Variants in PAX5 observed in about 807,000 individuals in gnomAD.
PAX5 encodes paired box 5.
Under a neutral mutation model 43.7 loss-of-function variants are expected in PAX5, and 9 were observed. The observed-to-expected ratio is 0.21, with a 90% CI of 0.12 to 0.36. PAX5 has a LOEUF of 0.36. PAX5 is among the 10% of genes least tolerant of loss of function. The probability of loss-of-function intolerance (pLI) is 1.00; values close to 1 mark genes in which losing one functional copy is unlikely to be tolerated. For missense variants in PAX5, 383 were observed against 532.7 expected (o/e 0.72, Z 2.77); for synonymous variants, 228 against 214.3 (o/e 1.06, Z -0.56).
intron 6 of PAX5, among the ~76,000 whole-genome samples, chr9:36,959,129 C>T (rs1833746260): frequency 1.3e-5 from 2 of 152,216 alleles, no homozygotes; most frequent in Admixed American, 6.5e-5. Context: ...CTTCAGTGCC[C>T]CTTCCGGTGC....
intron 5 of PAX5, among the ~76,000 whole-genome samples, chr9:36,974,974 C>T (rs1835297975): frequency 6.6e-6 from 1 of 152,204 alleles, no homozygotes; most frequent in Non-Finnish European, 1.5e-5. Context: ...CCTCTGCTGG[C>T]ATGCCCTTCT....
rs1179101260 is a variant in PAX5 at position 36,840,179 on chromosome 9, G to A, written c.*381C>T. On this transcript the variant is annotated 3_prime_UTR_variant, in exon 10 of 10. Transcript: ENST00000358127. Reference sequence around the variant, plus strand: ...GAAAAGCAAGAAGGTATTTACATGGGTGCTGCTGAAGCAACAAAAGCAAGC... The same window carrying A: ...GAAAAGCAAGAAGGTATTTACATGGATGCTGCTGAAGCAACAAAAGCAAGC... 2 of 432,072 alleles carry A rather than the reference G, an allele frequency of 4.6e-6. No homozygotes were observed. The highest frequency in any genetic ancestry group is 2.6e-5 in the South Asian group (1 of 38,506). The allele number at this position is 432,072 out of a possible 1,614,324, so 26.8% of individuals were successfully genotyped here.
chr9:36,850,356 G>T (rs62533249), intron 8 of PAX5, among the ~76,000 whole-genome samples: 18,903 of 152,302 alleles, frequency 0.12, 1,324 homozygotes, highest in South Asian at 0.17. Context: ...AAGCAAGAGG[G>T]ACTGGACCTG....
intron 5 of PAX5, among the ~76,000 whole-genome samples, chr9:37,000,905 G>A (rs1163875510): frequency 6.6e-6 from 1 of 152,174 alleles, no homozygotes; most frequent in Non-Finnish European, 1.5e-5. Flanking sequence ...ATCCAGTCTC[G>A]CTTATTCTGC....
At position 36,975,408 on chromosome 9, in the gene PAX5, C is replaced by T. The variant is rs1362736210; in HGVS notation, c.605-8684G>A. Reference sequence around the variant, plus strand: ...TTTCTTTTTTTTTTGTTTTTTGAGACGGAGTCTTGCTCTGTTGCCCAGGCT... The same window carrying T: ...TTTCTTTTTTTTTTGTTTTTTGAGATGGAGTCTTGCTCTGTTGCCCAGGCT... On this transcript the variant is annotated intron_variant, in intron 5 of 9. Transcript: ENST00000358127. Among the ~76,000 whole-genome samples the T allele has an allele frequency of 2.0e-5, 3 of 149,188 alleles. No homozygotes were observed. In the Admixed American group the frequency reaches 2.0e-4, roughly 10 times the overall value.
At chr9:37,002,812 G>T in intron 4 of PAX5, 36 bp from the exon 5 acceptor site, 1 of 1,582,894 alleles carries the variant, frequency 6.3e-7, no homozygotes, top group Non-Finnish European at 8.6e-7. Flanking sequence ...GGGCCGCAGA[G>T]GGCTGAGGGC....
At chr9:36,960,108 G>A (rs1395903905) in intron 6 of PAX5, among the ~76,000 whole-genome samples, 1 of 152,244 alleles carries the variant, frequency 6.6e-6, no homozygotes, top group Non-Finnish European at 1.5e-5. Flanking sequence ...CCGAATTGGT[G>A]CAGGGCCATT....
chr9:36,902,295 T>C (rs771749196), intron 7 of PAX5, among the ~76,000 whole-genome samples: 8 of 152,066 alleles, frequency 5.3e-5, no homozygotes, highest in Non-Finnish European at 1.0e-4. Context: ...TCACAGACAA[T>C]AAAAGCTTTG....
At chr9:36,863,982 G>C (rs1402137666) in intron 8 of PAX5, among the ~76,000 whole-genome samples, 1 of 152,174 alleles carries the variant, frequency 6.6e-6, no homozygotes, top group Non-Finnish European at 1.5e-5. Context: ...GGTGGCATGT[G>C]CCTGTAGTCC....
chr9:36,948,278 G>C (rs1054803904), intron 6 of PAX5, among the ~76,000 whole-genome samples: 1 of 152,162 alleles, frequency 6.6e-6, no homozygotes, highest in Non-Finnish European at 1.5e-5. Flanking sequence ...AAGTGGGAGC[G>C]GCGAGTGTCC....
intron 7 of PAX5, among the ~76,000 whole-genome samples, chr9:36,885,184 C>G (rs1826808045): frequency 1.3e-5 from 2 of 152,198 alleles, no homozygotes; most frequent in South Asian, 4.1e-4. Flanking sequence ...CTGGTATGGG[C>G]TGTTGAGCAG....
intron 7 of PAX5, among the ~76,000 whole-genome samples, chr9:36,921,095 G>A (rs551834786): frequency 1.3e-5 from 2 of 152,340 alleles, no homozygotes; most frequent in South Asian, 4.1e-4. Flanking sequence ...TTACAGGCGT[G>A]AGCCACTGCG....
At chr9:36,854,991 G>T (rs1823525467) in intron 8 of PAX5, among the ~76,000 whole-genome samples, 1 of 152,266 alleles carries the variant, frequency 6.6e-6, no homozygotes, top group Admixed American at 6.5e-5. Flanking sequence ...CTGTGCGGTG[G>T]CCAAGTGGCC....
chr9:36,851,311 G>T (rs1463213158), intron 8 of PAX5, among the ~76,000 whole-genome samples: 1 of 152,096 alleles, frequency 6.6e-6, no homozygotes, highest in Non-Finnish European at 1.5e-5. Context: ...TGGGGCTGGG[G>T]GTAGAAGAAC....
At position 36,895,778 on chromosome 9, in the gene PAX5, C is replaced by A. The variant is rs900622085; in HGVS notation, c.911-13673G>T. ...GGGTTTCTAGGATTAGAAACCCTAG[C>A]AGTCTGTGCTCTTAACCACCAAGTT... On this transcript the variant is annotated intron_variant, in intron 7 of 9. Coordinates refer to ENST00000358127, the MANE Select transcript of PAX5 (RefSeq NM_016734.3). Among the ~76,000 whole-genome samples, 16 of 152,318 alleles carry A rather than the reference C, an allele frequency of 1.1e-4. 1 individual carries two copies. The highest frequency in any genetic ancestry group is 2.2e-4 in the Non-Finnish European group (15 of 68,034).
At chr9:36,864,002 G>A (rs577410402) in intron 8 of PAX5, among the ~76,000 whole-genome samples, 6 of 152,270 alleles carry the variant, frequency 3.9e-5, no homozygotes, top group Non-Finnish European at 7.4e-5. Flanking sequence ...CCAGCTACTC[G>A]GGAGGCTGAG....
intron 1 of PAX5, among the ~76,000 whole-genome samples, chr9:37,028,316 C>T (rs1481623409): frequency 2.0e-5 from 3 of 152,120 alleles, no homozygotes; most frequent in Non-Finnish European, 4.4e-5. Context: ...GAAATATTTC[C>T]TAATTTTATT....
intron 5 of PAX5, among the ~76,000 whole-genome samples, chr9:36,970,010 A>T (rs1293086853): frequency 6.6e-6 from 1 of 152,228 alleles, no homozygotes; most frequent in East Asian, 1.9e-4. Context: ...TTTTAAGTAA[A>T]TATATTTTAA....
At chr9:36,865,239 C>T (rs956826179) in intron 8 of PAX5, among the ~76,000 whole-genome samples, 1 of 152,120 alleles carries the variant, frequency 6.6e-6, no homozygotes, top group African/African-American at 2.4e-5. Context: ...AGGGTGAGCC[C>T]GGCCAGAGCA....
Sources: gnomAD v4.1 joint callset for allele counts (sites outside exome capture counted in the v4.1 genomes callset) on GRCh38, gnomAD v4.1.1 for gene constraint, MANE v1.5 for transcripts, NCBI Gene and HGNC (gene_info 2026-07-23, HGNC 2026-07-21) for gene names.